Variants in CDC42EP3 observed in about 807,000 individuals in gnomAD.
CDC42EP3 encodes CDC42 effector protein (Rho GTPase binding) 3.
Under a neutral mutation model 15.5 loss-of-function variants are expected in CDC42EP3, and 4 were observed. The ratio of observed to expected loss-of-function variants is 0.26; its 90% CI spans 0.13 to 0.59. The LOEUF (loss-of-function observed/expected upper bound fraction) is 0.59. Ranked by LOEUF, CDC42EP3 falls within the 20% of genes least tolerant of loss-of-function variation. The probability of loss-of-function intolerance (pLI) is 0.89; values close to 1 mark genes in which losing one functional copy is unlikely to be tolerated. For synonymous variants in CDC42EP3, 145 were observed against 130.3 expected (o/e 1.11, Z -0.77); for missense variants, 309 against 311.2 (o/e 0.99, Z 0.05).
At position 37,651,110 on chromosome 2, in the gene CDC42EP3, C is replaced by G. The variant is rs181869514; in HGVS notation, c.-235-4288G>C. The stretch of plus-strand genomic sequence containing the variant: ...GCTTAATATGCTCATCCGAGAAGAG[C>G]CCAAAGATGTACATCATCAAAGGAA... On this transcript the variant is annotated intron_variant, in intron 1 of 1. Transcript: ENST00000295324. 2.2e-4 allele frequency among the ~76,000 whole-genome samples: 33 copies of G among 151,922 alleles called. No individual in the cohort carries two copies. The Middle Eastern group carries it at 0.01, about 47-fold the overall frequency.
intron 1 of CDC42EP3, among the ~76,000 whole-genome samples, chr2:37,651,455 C>T (rs1267072407): frequency 6.6e-6 from 1 of 152,118 alleles, no homozygotes; most frequent in Non-Finnish European, 1.5e-5. Flanking sequence ...ATAACACAAA[C>T]ATCAGGAAAA....
rs1665306939 is a variant in CDC42EP3, at chr2:37,642,696, ATTTATCAAG to A, written c.*3118_*3126del. ...TATTTTCTTTTGTCTGTTCTAAAAT[ATTTATCAAG>A]TTAATTTATGGACTTATGGATTTTT... On this transcript the variant is annotated 3_prime_UTR_variant, in exon 2 of 2. Coordinates refer to ENST00000295324, the MANE Select transcript of CDC42EP3 (RefSeq NM_006449.5). 1 of 152,180 alleles carries A rather than the reference ATTTATCAAG, an allele frequency of 6.6e-6. No individual in the cohort carries two copies. Among genetic ancestry groups the A allele is most frequent in the Non-Finnish European group, 1.5e-5 (1 of 68,020 alleles). The allele number at this position is 152,180 out of a possible 1,614,324, so 9.4% of individuals were successfully genotyped here.
At chr2:37,656,985 C>T (rs1572516377) in intron 1 of CDC42EP3, among the ~76,000 whole-genome samples, 2 of 87,430 alleles carry the variant, frequency 2.3e-5, no homozygotes, top group African/African-American at 5.7e-5. Flanking sequence ...CAAAGCCCCC[C>T]CCCCACCCCC....
At chr2:37,672,557 C>T (rs1474140083), upstream of CDC42EP3, 1 of 152,222 alleles carries the variant, frequency 6.6e-6, no homozygotes, top group African/African-American at 2.4e-5. Context: ...CGCGCCCCTC[C>T]CCTCCGCCGG....
rs2231499 is a variant in CDC42EP3, at chr2:37,647,199, C to G, written c.-235-377G>C. On this transcript the variant is annotated intron_variant, in intron 1 of 1. Transcript: ENST00000295324. ...TGCTTTGATGTGCATACTAGCAACA[C>G]TAATATTTCATTGTTGAGTTCCATA... is the stretch of plus-strand genomic sequence containing the variant. Among the ~76,000 whole-genome samples, 18 of 152,326 alleles carry G rather than the reference C, an allele frequency of 1.2e-4. No individual in the cohort carries two copies. The East Asian group carries it at 3.1e-3, about 26-fold the overall frequency.
chr2:37,649,189 G>A (rs1013395169), intron 1 of CDC42EP3, among the ~76,000 whole-genome samples: 5 of 151,694 alleles, frequency 3.3e-5, no homozygotes, highest in African/African-American at 4.8e-5. Flanking sequence ...GGGGGCACCC[G>A]CCGGTAGTCC....
At chr2:37,649,297 C>T (rs11676100) in intron 1 of CDC42EP3, among the ~76,000 whole-genome samples, 1 of 151,404 alleles carries the variant, frequency 6.6e-6, no homozygotes, top group East Asian at 1.9e-4. Context: ...CAAAAACTTT[C>T]TTAAAAAATT....
chr2:37,662,946 C>G (rs1261640057), intron 1 of CDC42EP3, among the ~76,000 whole-genome samples: 1 of 152,124 alleles, frequency 6.6e-6, no homozygotes, highest in Non-Finnish European at 1.5e-5. Flanking sequence ...GGGCGGATCG[C>G]CTGAGGTTAG....
intron 1 of CDC42EP3, among the ~76,000 whole-genome samples, chr2:37,661,435 C>T (rs1666053700): frequency 6.6e-6 from 1 of 152,144 alleles, no homozygotes; most frequent in Non-Finnish European, 1.5e-5. Context: ...ATGCACTTAT[C>T]AAATCTAAAG....
At chr2:37,672,222 C>G (rs1666457085), upstream of CDC42EP3, 2 of 152,262 alleles carry the variant, frequency 1.3e-5, no homozygotes, top group African/African-American at 4.8e-5. Flanking sequence ...CGCGTTCTGT[C>G]AGTTTCTAGC....
Position 37,646,331 on chromosome 2 carries a change from C to G in CDC42EP3, c.257G>C (p.Arg86Pro). 2 of 1,614,026 alleles carry G rather than the reference C, an allele frequency of 1.2e-6. No individual in the cohort carries two copies. The highest frequency in any genetic ancestry group is 1.7e-6 in the Non-Finnish European group (2 of 1,179,996). The stretch of plus-strand genomic sequence containing the variant: ...CACAGAGTCCGAGGTGCTGTTGGCC[C>G]GGAAGAACTCATTATGCCCAGGGAA... ...GQFPGHNEFF[R>P]ANSTSDSVFT... Residue 86 changes from arginine (R) to proline (P), a missense_variant, in exon 2 of 2, where the codon CGG becomes CCG. Transcript: ENST00000295324.
At chr2:37,653,266 C>T (rs897366981) in intron 1 of CDC42EP3, among the ~76,000 whole-genome samples, 8 of 152,124 alleles carry the variant, frequency 5.3e-5, no homozygotes, top group African/African-American at 1.7e-4. Flanking sequence ...GGACATGCTC[C>T]CTTACAGGTT....
intron 1 of CDC42EP3, among the ~76,000 whole-genome samples, chr2:37,648,080 C>T (rs1665533936): frequency 6.6e-6 from 1 of 152,236 alleles, no homozygotes; most frequent in Non-Finnish European, 1.5e-5. Context: ...CCTCCCTGCA[C>T]ATACTATATG....
In CDC42EP3 at chr2:37,646,440, G is replaced by A; in HGVS notation, c.148C>T (p.His50Tyr). 1 of 1,614,186 alleles carries A rather than the reference G, an allele frequency of 6.2e-7. No homozygotes were observed. Among genetic ancestry groups the A allele is most frequent in the Non-Finnish European group, 8.5e-7 (1 of 1,180,030 alleles). ...HTIHIGKEGQ[H>Y]DVFGDISFLQ... ...AAGGAAATATCTCCAAAGACATCGT[G>A]CTGGCCCTCTTTGCCAATGTGGATG... The change falls in exon 2 of 2, where the codon CAC becomes TAC. Residue 50 changes from histidine (H) to tyrosine (Y), a missense_variant. Coordinates refer to ENST00000295324, the MANE Select transcript of CDC42EP3 (RefSeq NM_006449.5).
At chr2:37,670,555 C>T (rs575583029) in intron 1 of CDC42EP3, among the ~76,000 whole-genome samples, 1 of 150,218 alleles carries the variant, frequency 6.7e-6, no homozygotes, top group Non-Finnish European at 1.5e-5. Flanking sequence ...GGGGCTTTTA[C>T]TCCTTTCAAC....
chr2:37,671,199 A>C (rs1243019567), intron 1 of CDC42EP3, among the ~76,000 whole-genome samples: 1 of 152,160 alleles, frequency 6.6e-6, no homozygotes, highest in Non-Finnish European at 1.5e-5. Flanking sequence ...AGTGGGCACA[A>C]ATGGTGGAGC....
At chr2:37,667,814 G>A (rs1390258785) in intron 1 of CDC42EP3, among the ~76,000 whole-genome samples, 3 of 152,216 alleles carry the variant, frequency 2.0e-5, no homozygotes, top group African/African-American at 7.2e-5. Flanking sequence ...CATTGGTGGG[G>A]GTGTGGTATT....
At chr2:37,650,520 C>G (rs189265244) in intron 1 of CDC42EP3, among the ~76,000 whole-genome samples, 1 of 152,318 alleles carries the variant, frequency 6.6e-6, no homozygotes, top group East Asian at 1.9e-4. Flanking sequence ...CAACCCTTGA[C>G]ATGGACTAGC....
At position 37,645,848 on chromosome 2, in the gene CDC42EP3, A is replaced by G; in HGVS notation, c.740T>C (p.Leu247Pro). 3 of 1,553,880 alleles carry G rather than the reference A, an allele frequency of 1.9e-6. No individual in the cohort carries two copies. The highest frequency in any genetic ancestry group is 2.6e-6 in the Non-Finnish European group (3 of 1,155,032). The stretch of plus-strand genomic sequence containing the variant: ...TTACTTATTTTTATCCATTACATTC[A>G]GCACCTCATCCAAAAGTGAGGGCCC... ...DLGPSLLDEV[L>P]NVMDKNK is the part of the protein sequence containing the mutation. Residue 247 changes from leucine to proline, a missense_variant, in exon 2 of 2, where the codon CTG (leucine) becomes CCG (proline). Coordinates refer to ENST00000295324, the MANE Select transcript of CDC42EP3 (RefSeq NM_006449.5).
Sources: gnomAD v4.1 joint callset for allele counts (sites outside exome capture counted in the v4.1 genomes callset) on GRCh38, gnomAD v4.1.1 for gene constraint, MANE v1.5 for transcripts, NCBI Gene and HGNC (gene_info 2026-07-23, HGNC 2026-07-21) for gene names.